UNC5D: variants seen among roughly 807,000 people sequenced by gnomAD.
The protein encoded by UNC5D is netrin receptor UNC5D.
UNC5D carries 39 observed loss-of-function variants against 105.4 expected under a neutral mutation model. The observed-to-expected ratio is 0.37, with a 90% CI of 0.29 to 0.48. The LOEUF (loss-of-function observed/expected upper bound fraction) is 0.48, where lower values mean the gene tolerates loss of function less well. UNC5D is among the 20% of genes least tolerant of loss of function. The probability of loss-of-function intolerance (pLI) is 0.98; values close to 1 mark genes in which losing one functional copy is unlikely to be tolerated. For synonymous variants in UNC5D, 452 were observed against 450.4 expected (o/e 1.00, Z -0.04); for missense variants, 991 against 1,202.4 (o/e 0.82, Z 2.60).
chr8:35,409,319 G>A (rs1321141694), intron 1 of UNC5D, among the ~76,000 whole-genome samples: 2 of 152,092 alleles, frequency 1.3e-5, no homozygotes, highest in East Asian at 3.9e-4. Context: ...CTCTCCCAAA[G>A]AGGCTGTACC....
At chr8:35,286,677 G>A (rs923387677) in intron 1 of UNC5D, among the ~76,000 whole-genome samples, 2 of 152,164 alleles carry the variant, frequency 1.3e-5, no homozygotes. Context: ...GGAGGCAGTT[G>A]CAGGTCAGTG....
intron 4 of UNC5D, among the ~76,000 whole-genome samples, chr8:35,638,422 A>G (rs2958264): frequency 6.6e-6 from 1 of 152,094 alleles, no homozygotes; most frequent in African/African-American, 2.4e-5. Context: ...AGGGGACTAT[A>G]TGATCTATAT....
chr8:35,609,640 C>T (rs1267318459), intron 4 of UNC5D, among the ~76,000 whole-genome samples: 2 of 152,192 alleles, frequency 1.3e-5, no homozygotes, highest in Non-Finnish European at 2.9e-5. Flanking sequence ...TAGGTAATGA[C>T]TCTCCAGTAT....
intron 1 of UNC5D, among the ~76,000 whole-genome samples, chr8:35,539,788 C>A (rs1815136309): frequency 6.6e-6 from 1 of 152,110 alleles, no homozygotes; most frequent in South Asian, 2.1e-4. Context: ...TTTTATGTGA[C>A]CTGACATCTA....
intron 1 of UNC5D, among the ~76,000 whole-genome samples, chr8:35,460,877 G>C (rs1322163945): frequency 6.6e-6 from 1 of 152,224 alleles, no homozygotes; most frequent in African/African-American, 2.4e-5. Flanking sequence ...ATCAGCAACA[G>C]TGAATTACTC....
intron 1 of UNC5D, among the ~76,000 whole-genome samples, chr8:35,311,692 A>G (rs548578522): frequency 6.6e-6 from 1 of 152,308 alleles, no homozygotes; most frequent in Admixed American, 6.5e-5. Flanking sequence ...AGACTTTAAA[A>G]TGCACTAAAT....
intron 1 of UNC5D, among the ~76,000 whole-genome samples, chr8:35,280,609 T>A (rs534297495): frequency 6.6e-6 from 1 of 152,210 alleles, no homozygotes; most frequent in East Asian, 1.9e-4. Context: ...CTTAACCCAC[T>A]GTCAACTGAA....
At chr8:35,429,899 T>C (rs765039395) in intron 1 of UNC5D, among the ~76,000 whole-genome samples, 12 of 152,234 alleles carry the variant, frequency 7.9e-5, no homozygotes, top group Non-Finnish European at 1.6e-4. Flanking sequence ...TGTTTTTGCA[T>C]TTGACAAACA....
chr8:35,708,410 C>T (rs973810293), intron 8 of UNC5D, among the ~76,000 whole-genome samples: 1 of 152,192 alleles, frequency 6.6e-6, no homozygotes, highest in African/African-American at 2.4e-5. Context: ...TCTGCTTCTG[C>T]ACATCTTAAA....
chr8:35,757,691 T>A lies in UNC5D; in HGVS notation c.2164-1629T>A, dbSNP rs78785497. 9.3e-3 allele frequency among the ~76,000 whole-genome samples: 1,420 copies of A among 152,276 alleles called. 17 individuals carry two copies. Among genetic ancestry groups the A allele is most frequent in the African/African-American group, 0.033 (1,352 of 41,564 alleles). Reference sequence around the variant, plus strand: ...GCACACCCAGTGCCCAGCTCCAACATAGCTCTGATGGAAATTTAGTAAATC... The same window carrying A: ...GCACACCCAGTGCCCAGCTCCAACAAAGCTCTGATGGAAATTTAGTAAATC... On this transcript the variant is annotated intron_variant, in intron 13 of 16. Coordinates refer to ENST00000404895, the MANE Select transcript of UNC5D (RefSeq NM_080872.4).
At chr8:35,406,104 G>A (rs367658222) in intron 1 of UNC5D, among the ~76,000 whole-genome samples, 1 of 152,154 alleles carries the variant, frequency 6.6e-6, no homozygotes, top group African/African-American at 2.4e-5. Flanking sequence ...CATATTTCAG[G>A]CTTGATAGTA....
chr8:35,440,674 C>G (rs1048807208), intron 1 of UNC5D, among the ~76,000 whole-genome samples: 2 of 151,916 alleles, frequency 1.3e-5, no homozygotes, highest in African/African-American at 4.8e-5. Flanking sequence ...TACCCTTGCT[C>G]TTTATTTTAG....
intron 4 of UNC5D, among the ~76,000 whole-genome samples, chr8:35,679,363 A>G (rs1464573182): frequency 2.0e-5 from 3 of 152,178 alleles, no homozygotes; most frequent in Non-Finnish European, 4.4e-5. Flanking sequence ...CTGTGAAGAA[A>G]TAACATTTGA....
intron 1 of UNC5D, among the ~76,000 whole-genome samples, chr8:35,390,417 C>T (rs111945374): frequency 0.015 from 2,316 of 152,022 alleles, 66 homozygotes; most frequent in African/African-American, 0.054. Context: ...TAGTATTACA[C>T]AAATGATGTC....
chr8:35,594,844 A>G (rs183004398), intron 3 of UNC5D, among the ~76,000 whole-genome samples: 18 of 152,302 alleles, frequency 1.2e-4, no homozygotes, highest in South Asian at 2.1e-4. Flanking sequence ...CTGGCAAGCG[A>G]ATTAACCTCT....
chr8:35,629,164 T>A (rs1344385057), intron 4 of UNC5D, among the ~76,000 whole-genome samples: 2 of 152,206 alleles, frequency 1.3e-5, no homozygotes, highest in Non-Finnish European at 2.9e-5. Context: ...TGTTTTGTGC[T>A]TTAAGTCCAA....
At chr8:35,542,164 C>T (rs2130637122) in intron 1 of UNC5D, among the ~76,000 whole-genome samples, 1 of 152,250 alleles carries the variant, frequency 6.6e-6, no homozygotes, top group Non-Finnish European at 1.5e-5. Context: ...AAACAAGAAA[C>T]TTTTACTGGG....
intron 1 of UNC5D, among the ~76,000 whole-genome samples, chr8:35,325,238 A>C (rs1000110231): frequency 6.6e-6 from 1 of 152,200 alleles, no homozygotes; most frequent in African/African-American, 2.4e-5. Flanking sequence ...TGATTTTTAA[A>C]GCACATAAGA....
At chr8:35,338,547 A>G (rs981681942) in intron 1 of UNC5D, among the ~76,000 whole-genome samples, 1 of 152,064 alleles carries the variant, frequency 6.6e-6, no homozygotes, top group Non-Finnish European at 1.5e-5. Flanking sequence ...TTTTTCAGTG[A>G]CCATGGAGAT....
Sources: gnomAD v4.1 joint callset for allele counts (sites outside exome capture counted in the v4.1 genomes callset) on GRCh38, gnomAD v4.1.1 for gene constraint, MANE v1.5 for transcripts, NCBI Gene and HGNC (gene_info 2026-07-23, HGNC 2026-07-21) for gene names.